FHIP1B: variants seen among roughly 807,000 people sequenced by gnomAD.
FHIP1B encodes the protein FHF complex subunit HOOK interacting protein 1B, also known as FHF complex subunit HOOK-interacting protein 1B.
A neutral mutation model predicts 82.2 loss-of-function variants in FHIP1B; 28 were observed. The observed-to-expected ratio is 0.34, with a 90% CI of 0.25 to 0.47. The LOEUF is 0.47. Ranked by LOEUF, FHIP1B falls within the 20% of genes least tolerant of loss-of-function variation. The probability of loss-of-function intolerance (pLI) is 1.00; values close to 1 mark genes in which losing one functional copy is unlikely to be tolerated. For synonymous variants in FHIP1B, 585 were observed against 516.1 expected (o/e 1.13, Z -1.81); for missense variants, 1,110 against 1,262.6 (o/e 0.88, Z 1.83).
chr11:6,220,743 T>C (rs936960445), intron 6 of FHIP1B, among the ~76,000 whole-genome samples: 1 of 151,940 alleles, frequency 6.6e-6, no homozygotes, highest in East Asian at 1.9e-4. Flanking sequence ...TAGAAACAAC[T>C]ACTAAAAAAA....
At chr11:6,227,202 C>T (rs1847586376) in intron 1 of FHIP1B, among the ~76,000 whole-genome samples, 1 of 152,170 alleles carries the variant, frequency 6.6e-6, no homozygotes, top group Admixed American at 6.5e-5. Flanking sequence ...TACTACATGC[C>T]AGGCTCCATT....
At chr11:6,233,306 C>T (rs563226420) in intron 1 of FHIP1B, among the ~76,000 whole-genome samples, 130 of 152,268 alleles carry the variant, frequency 8.5e-4, no homozygotes, top group African/African-American at 2.8e-3. Flanking sequence ...AATAGGATGT[C>T]CCAACCCCAT....
intron 1 of FHIP1B, among the ~76,000 whole-genome samples, chr11:6,233,493 C>T (rs756493821): frequency 2.6e-5 from 4 of 152,156 alleles, no homozygotes; most frequent in Non-Finnish European, 4.4e-5. Flanking sequence ...GATAAATTTT[C>T]AGGTGGCTAA....
Position 6,223,440 on chromosome 11 carries a change from T to G in FHIP1B, c.777+170A>C, listed in dbSNP as rs1847471585. On this transcript the variant is annotated intron_variant, in intron 3 of 11. Coordinates refer to ENST00000449352, the MANE Select transcript of FHIP1B (RefSeq NM_001098794.2). The surrounding 1 kb of genome is among the most constrained non-coding windows in gnomAD (Gnocchi z 4.8). ...AGACTTAGTATCTGCCCTATCCATC[T>G]AAGCCCATGATTCATCCCCACTACA... 6.6e-6 allele frequency among the ~76,000 whole-genome samples: 1 copy of G among 152,200 alleles called. No individual in the cohort carries two copies. The highest frequency in any genetic ancestry group is 2.4e-5 in the African/African-American group (1 of 41,452).
intron 1 of FHIP1B, among the ~76,000 whole-genome samples, chr11:6,230,457 A>G (rs74053156): frequency 0.011 from 1,681 of 152,326 alleles, 29 homozygotes; most frequent in African/African-American, 0.038. Context: ...GGAAAAACCA[A>G]CCAACCAAAA....
intron 9 of FHIP1B, 172 bp downstream of exon 9, chr11:6,217,199 C>A: frequency 1.4e-6 from 1 of 720,720 alleles, no homozygotes. Context: ...CAGACAGACA[C>A]AGGGACACAA....
chr11:6,231,932 T>G (rs935701282), intron 1 of FHIP1B, among the ~76,000 whole-genome samples: 6 of 152,236 alleles, frequency 3.9e-5, no homozygotes, highest in Non-Finnish European at 8.8e-5. Context: ...CATGTTGTTA[T>G]CCCATAAAAT....
At chr11:6,226,753 T>C (rs776954564) in intron 1 of FHIP1B, among the ~76,000 whole-genome samples, 4 of 152,208 alleles carry the variant, frequency 2.6e-5, no homozygotes, top group Non-Finnish European at 4.4e-5. Context: ...TTGCTAAATA[T>C]TATGCTAAGG....
chr11:6,232,413 G>C (rs1330468143), intron 1 of FHIP1B, among the ~76,000 whole-genome samples: 2 of 152,134 alleles, frequency 1.3e-5, no homozygotes, highest in Non-Finnish European at 2.9e-5. Context: ...CACTCTCACA[G>C]TCCCTTTTCT....
chr11:6,218,217 C>T (rs1219770037), intron 8 of FHIP1B, 67 bp from the exon 9 acceptor site: 34 of 1,510,962 alleles, frequency 2.3e-5, no homozygotes, highest in Middle Eastern at 1.7e-4. Context: ...TAAGACACCT[C>T]GGGAGACTAA....
At chr11:6,213,371 T>G (rs941601325) in intron 11 of FHIP1B, among the ~76,000 whole-genome samples, 1 of 152,248 alleles carries the variant, frequency 6.6e-6, no homozygotes, top group Admixed American at 6.5e-5. Context: ...ACATGTCAAT[T>G]CCTCCTTGCT....
chr11:6,225,503 T>G (rs1186813335), intron 1 of FHIP1B, among the ~76,000 whole-genome samples: 2 of 152,246 alleles, frequency 1.3e-5, no homozygotes, highest in Non-Finnish European at 2.9e-5. Context: ...AAACTATTTA[T>G]TTATTTGTCT....
intron 11 of FHIP1B, among the ~76,000 whole-genome samples, chr11:6,214,199 A>G (rs1419081599): frequency 6.6e-6 from 1 of 152,178 alleles, no homozygotes; most frequent in Middle Eastern, 3.2e-3. Context: ...CAAATTCTAG[A>G]GTAGTTTTTG....
chr11:6,229,718 C>G (rs915055075), intron 1 of FHIP1B, among the ~76,000 whole-genome samples: 3 of 152,038 alleles, frequency 2.0e-5, no homozygotes. Flanking sequence ...CCTCCAGGAC[C>G]CTTCCTCACC....
rs550965738 is a variant in FHIP1B at position 6,217,845 on chromosome 11, G to A, written c.1741C>T (p.Pro581Ser). Residue 581 changes from proline to serine, a missense_variant, in exon 9 of 12, where the codon CCC (proline) becomes TCC (serine). Physicochemically the swap from Pro to Ser is moderately conservative, Grantham distance 74. Around this residue, in one of 6 missense-constraint regions of FHIP1B, gnomAD observed 418 missense variants for 371.4 expected, o/e 1.13. Transcript: ENST00000449352. ...TWSAPYDGER[P>S]SPEPSPFGSR... is the part of the protein sequence containing the mutation. ...CCAAAAGGACTGGGCTCAGGAGAGG[G>A]CCGCTCGCCATCATAGGGGGCAGAC... is the stretch of plus-strand genomic sequence containing the variant. 12 of 1,613,870 alleles carry A rather than the reference G, an allele frequency of 7.4e-6. No homozygotes were observed. Among genetic ancestry groups the A allele is most frequent in the African/African-American group, 2.7e-5 (2 of 75,048 alleles).
At position 6,218,169 on chromosome 11, in the gene FHIP1B, T is replaced by C; in HGVS notation, c.1436-19A>G. The C allele has an allele frequency of 6.3e-7, 1 of 1,598,586 alleles. No individual in the cohort carries two copies. The highest frequency in any genetic ancestry group is 1.7e-4 in the Middle Eastern group (1 of 6,020). ...CCAGGACCTGCAAAGGGAAAAAATA[T>C]AAGAGAAATCAAGGAGACAGAGGTT... On this transcript the variant is annotated intron_variant, in intron 8 of 11. Transcript: ENST00000449352.
rs866984735 is a variant in FHIP1B, at chr11:6,217,851, C to G, written c.1735G>C (p.Glu579Gln). 2.5e-6 allele frequency: 4 copies of G among 1,613,700 alleles called. No homozygotes were observed. Among genetic ancestry groups the G allele is most frequent in the Non-Finnish European group, 3.4e-6 (4 of 1,179,998 alleles). Residue 579 changes from glutamate (E) to glutamine (Q), a missense_variant, in exon 9 of 12, where the codon GAG becomes CAG. Glu to Gln is a conservative substitution (Grantham distance 29). Transcript: ENST00000449352. ...CRTWSAPYDG[E>Q]RPSPEPSPFG... ...GGACTGGGCTCAGGAGAGGGCCGCT[C>G]GCCATCATAGGGGGCAGACCAGGTA...
chr11:6,218,511 T>A, intron 8 of FHIP1B, 89 bp downstream of exon 8: 28 of 1,499,944 alleles, frequency 1.9e-5, no homozygotes, highest in Non-Finnish European at 2.5e-5. Context: ...TTCCTCCCCT[T>A]CACCCCAGCC....
In FHIP1B at chr11:6,217,908, G is replaced by T; in HGVS notation, c.1678C>A (p.Arg560Ser). The T allele has an allele frequency of 6.2e-7, 1 of 1,612,922 alleles. No individual in the cohort carries two copies. Reference sequence around the variant, plus strand: ...GCTCGGACACAGCGGTCCACACCACGACGTGCCTCACGCAGATACTCCAGG... The same window carrying T: ...GCTCGGACACAGCGGTCCACACCACTACGTGCCTCACGCAGATACTCCAGG... ...NYLEYLREAR[R>S]GVDRCVRACR... The change falls in exon 9 of 12, where the codon CGT becomes AGT. Residue 560 changes from arginine to serine, a missense_variant. This residue lies in a region of FHIP1B where 418 missense variants were observed against 371.4 expected (regional missense o/e 1.13). Coordinates refer to ENST00000449352, the MANE Select transcript of FHIP1B (RefSeq NM_001098794.2).
Sources: allele counts gnomAD v4.1 joint callset (sites outside exome capture counted in the v4.1 genomes callset), GRCh38; gene constraint gnomAD v4.1.1; regional missense constraint gnomAD v4.1.1; non-coding constraint Gnocchi (gnomAD v3.1); transcripts MANE v1.5; gene names NCBI Gene and HGNC (gene_info 2026-07-23, HGNC 2026-07-21).